DBNL: variants seen among roughly 807,000 people sequenced by gnomAD.
DBNL encodes drebrin-like protein.
Under a neutral mutation model 62.2 loss-of-function variants are expected in DBNL, and 35 were observed. The ratio of observed to expected loss-of-function variants is 0.56; its 90% CI spans 0.43 to 0.75. The LOEUF (loss-of-function observed/expected upper bound fraction) is 0.75. Among genes scored for constraint, DBNL ranks in the 30% least tolerant of loss-of-function variants. The pLI, the probability that DBNL is intolerant of heterozygous loss-of-function variation, is 0.00. For synonymous variants in DBNL, 197 were observed against 218.0 expected, an observed-to-expected ratio of 0.90 and a Z score of 0.85; for missense variants, 495 against 578.4, an observed-to-expected ratio of 0.86 and a Z score of 1.48.
rs1358617040 is a variant in DBNL, at chr7:44,063,263, G to GT, written c.*2359dup. On this transcript the variant is annotated 3_prime_UTR_variant, in exon 13 of 13. Coordinates refer to ENST00000448521, the MANE Select transcript of DBNL (RefSeq NM_001014436.3). The stretch of plus-strand genomic sequence containing the variant: ...GGTCAGGAAGGGACACTCACCCTTT[G>GT]TTTTTTTTTTTTCTTTTCTTTTTCT... The GT allele has an allele frequency of 2.7e-4, 92 of 344,132 alleles. No individual in the cohort carries two copies. The East Asian group carries it at 4.6e-3, about 17-fold the overall frequency. The allele number at this position is 344,132 out of a possible 1,614,324, so 21.3% of individuals were successfully genotyped here.
chr7:44,053,721 G>A lies in DBNL; in HGVS notation c.327+780G>A, dbSNP rs9692597. Reference sequence around the variant, plus strand: ...AGACTGAGTCTCGCTCCGTTGCCCAGGCTGGAGTGCAGTGGCGTGATCTTG... The same window carrying A: ...AGACTGAGTCTCGCTCCGTTGCCCAAGCTGGAGTGCAGTGGCGTGATCTTG... On this transcript the variant is annotated intron_variant, in intron 4 of 12. Coordinates refer to ENST00000448521, the MANE Select transcript of DBNL (RefSeq NM_001014436.3). Among the ~76,000 whole-genome samples, 676 of 150,222 alleles carry A rather than the reference G, an allele frequency of 4.5e-3. 7 individuals are homozygous for A. The highest frequency in any genetic ancestry group is 0.016 in the African/African-American group (645 of 40,738).
At position 44,060,159 on chromosome 7, in the gene DBNL, G is replaced by T; in HGVS notation, c.1153+6G>T. 1.2e-6 allele frequency: 2 copies of T among 1,607,460 alleles called. No individual in the cohort carries two copies. Among genetic ancestry groups the T allele is most frequent in the South Asian group, 1.1e-5 (1 of 90,884 alleles). On this transcript the variant is annotated splice_donor_region_variant and intron_variant, in intron 12 of 12. Transcript: ENST00000448521. This position sits in a 1 kb window ranked among gnomAD's most constrained non-coding sequence, Gnocchi z 6.3. ...CCTGTACGACTACCAGGCAGGTAAGGTGCCCTGGCCTGGCTGGCACAGACC... is the reference window on the plus strand; with the variant it reads ...CCTGTACGACTACCAGGCAGGTAAGTTGCCCTGGCCTGGCTGGCACAGACC...
chr7:44,052,028 G>A, intron 3 of DBNL, 86 bp downstream of exon 3: 1 of 1,188,342 alleles, frequency 8.4e-7, no homozygotes, highest in Non-Finnish European at 1.2e-6. Flanking sequence ...GGAACAAAGT[G>A]TTTTACTGGC....
chr7:44,052,949 C>CA lies in DBNL; in HGVS notation c.327+9dup, dbSNP rs748035606. The CA allele has an allele frequency of 2.0e-5, 32 of 1,611,370 alleles. No homozygotes were observed. The highest frequency in any genetic ancestry group is 1.7e-4 in the African/African-American group (13 of 75,040). On this transcript the variant is annotated intron_variant, in intron 4 of 12. Coordinates refer to ENST00000448521, the MANE Select transcript of DBNL (RefSeq NM_001014436.3). ...ATGGCCAGCTTCCTGAAGGTAAGGC[C>CA]AGGTGAGGCCCGCTTCACTGGGAAC...
In DBNL at chr7:44,069,140, G is replaced by A. The variant is rs2096164659; in HGVS notation, c.*8224G>A. 6.6e-6 allele frequency: 1 copy of A among 152,206 alleles called. No homozygotes were observed. The highest frequency in any genetic ancestry group is 1.5e-5 in the Non-Finnish European group (1 of 68,034). The allele number at this position is 152,206 out of a possible 1,614,324, so 9.4% of individuals were successfully genotyped here. A position where few individuals can be genotyped will look rare whatever the true frequency, so the allele number is the denominator to read the frequency against. On this transcript the variant is annotated 3_prime_UTR_variant, in exon 13 of 13. Coordinates refer to ENST00000448521, the MANE Select transcript of DBNL (RefSeq NM_001014436.3). ...ACCAAAGAATCTGCTTTAAAAAAAT[G>A]TTAAACCAAGTTCTTCAGACAGAAG... is the stretch of plus-strand genomic sequence containing the variant.
At chr7:44,051,133 A>C (rs2096125866) in intron 2 of DBNL, 1 of 152,400 alleles carries the variant, frequency 6.6e-6, no homozygotes, top group Non-Finnish European at 1.5e-5. Context: ...TGCTGTCCCC[A>C]GAGTGGGGCT....
Position 44,044,753 on chromosome 7 carries a change from A to C in DBNL, c.16A>C (p.Ser6Arg). The C allele has an allele frequency of 6.6e-7, 1 of 1,508,092 alleles. No individual in the cohort carries two copies. The highest frequency in any genetic ancestry group is 8.9e-7 in the Non-Finnish European group (1 of 1,129,796). The allele number at this position is 1,508,092 out of a possible 1,614,324, so 93.4% of individuals were successfully genotyped here. MAANL[S>R]RNGPALQEAY... ...GGGGCGGGCCATGGCGGCGAACCTG[A>C]GCCGGAACGGGCCAGCGCTGCAAGA... The change falls in exon 1 of 13, where the codon AGC (serine) becomes CGC (arginine). Residue 6 changes from serine to arginine, a missense_variant. By Grantham distance (110) the Ser-to-Arg change is moderately radical. Coordinates refer to ENST00000448521, the MANE Select transcript of DBNL (RefSeq NM_001014436.3).
Position 44,068,461 on chromosome 7 carries a change from A to C in DBNL, c.*7545A>C, listed in dbSNP as rs1435547377. Reference sequence around the variant, plus strand: ...GTGTAGATACAGGACTAATATGACTAGTAGTGCAAACACTTTAAACAGTCA... The same window carrying C: ...GTGTAGATACAGGACTAATATGACTCGTAGTGCAAACACTTTAAACAGTCA... On this transcript the variant is annotated 3_prime_UTR_variant, in exon 13 of 13. Transcript: ENST00000448521. The C allele has an allele frequency of 6.6e-6, 1 of 152,088 alleles. No homozygotes were observed. The highest frequency in any genetic ancestry group is 1.5e-5 in the Non-Finnish European group (1 of 67,994). 9.4% of individuals were successfully genotyped at this position (152,088 alleles called of 1,614,324 possible). A position where few individuals can be genotyped will look rare whatever the true frequency, so the allele number is the denominator to read the frequency against.
intron 8 of DBNL, 78 bp from the exon 9 acceptor site, chr7:44,058,824 C>T: frequency 2.6e-6 from 4 of 1,564,752 alleles, no homozygotes; most frequent in Middle Eastern, 1.7e-4. Flanking sequence ...ACTGGGCCGA[C>T]AGCTGGAGGG....
chr7:44,065,606 TC>T lies in DBNL; in HGVS notation c.*4693del. The T allele has an allele frequency of 7.0e-7, 1 of 1,432,172 alleles. No individual in the cohort carries two copies. Among genetic ancestry groups the T allele is most frequent in the Non-Finnish European group, 9.7e-7 (1 of 1,026,624 alleles). 88.7% of individuals were successfully genotyped at this position (1,432,172 alleles called of 1,614,324 possible). ...CACTCCCAGCTTTATAATAGTGTCT[TC>T]CCAGCCCCCACCCACCCCAGCCAAC... is the stretch of plus-strand genomic sequence containing the variant. On this transcript the variant is annotated 3_prime_UTR_variant, in exon 13 of 13. Coordinates refer to ENST00000448521, the MANE Select transcript of DBNL (RefSeq NM_001014436.3).
At chr7:44,051,967 G>C (rs373837478) in intron 3 of DBNL, 25 bp downstream of exon 3, 1 of 1,603,868 alleles carries the variant, frequency 6.2e-7, no homozygotes, top group Non-Finnish European at 8.5e-7. Context: ...TTTCATCTAG[G>C]TGTGACCCAG....
rs375363699 is a variant in DBNL, at chr7:44,059,401, A to G, written c.883A>G (p.Thr295Ala). The change falls in exon 10 of 13, where the codon ACC becomes GCC. Residue 295 changes from threonine to alanine, a missense_variant. Thr to Ala is a moderately conservative substitution (Grantham distance 58, BLOSUM62 0). Coordinates refer to ENST00000448521, the MANE Select transcript of DBNL (RefSeq NM_001014436.3). The surrounding 1 kb of genome is among the most constrained non-coding windows in gnomAD (Gnocchi z 4.1). ...GCAGAAGCAGCTCACCCAACCAGAG[A>G]CCCACTTTGGCAGAGAGCCAGCTGC... ...FLQKQLTQPE[T>A]HFGREPAAAI... The G allele has an allele frequency of 9.3e-6, 15 of 1,613,878 alleles. No homozygotes were observed. The African/African-American group carries it at 1.9e-4, about 20-fold the overall frequency.
chr7:44,059,560 C>T lies in DBNL; in HGVS notation c.949C>T (p.Pro317Ser), dbSNP rs2096144184. Reference protein sequence around the residue: ...RPRADLPAEEPAPSTPPCLVQ... With the variant: ...RPRADLPAEESAPSTPPCLVQ... ...TGGTGCAGATCTCCCTGCTGAGGAGCCGGCGCCCAGCACTCCTCCATGTCT... is the reference window on the plus strand; with the variant it reads ...TGGTGCAGATCTCCCTGCTGAGGAGTCGGCGCCCAGCACTCCTCCATGTCT... Residue 317 changes from proline (P) to serine (S), a missense_variant, in exon 11 of 13, where the codon CCG becomes TCG. Physicochemically the swap from Pro to Ser is moderately conservative, Grantham distance 74. Coordinates refer to ENST00000448521, the MANE Select transcript of DBNL (RefSeq NM_001014436.3). This position sits in a 1 kb window ranked among gnomAD's most constrained non-coding sequence, Gnocchi z 4.1. 1 of 1,612,554 alleles carries T rather than the reference C, an allele frequency of 6.2e-7. No homozygotes were observed.
rs370359405 is a variant in DBNL at position 44,065,029 on chromosome 7, C to T, written c.*4113C>T. On this transcript the variant is annotated 3_prime_UTR_variant, in exon 13 of 13. Transcript: ENST00000448521. ...CCGACGCTCCTGGGGGACACAGGCA[C>T]GCTGCTTTCCCTCCCAAGCCAGTGG... is the stretch of plus-strand genomic sequence containing the variant. The T allele has an allele frequency of 1.0e-4, 160 of 1,606,768 alleles. No homozygotes were observed. Among genetic ancestry groups the T allele is most frequent in the Middle Eastern group, 9.9e-4 (6 of 6,058 alleles).
At position 44,065,997 on chromosome 7, in the gene DBNL, G is replaced by A. The variant is rs564291245; in HGVS notation, c.*5081G>A. 3.2e-5 allele frequency: 9 copies of A among 277,216 alleles called. No homozygotes were observed. The highest frequency in any genetic ancestry group is 2.7e-4 in the South Asian group (7 of 26,216). The allele number at this position is 277,216 out of a possible 1,614,324, so 17.2% of individuals were successfully genotyped here. A position where few individuals can be genotyped will look rare whatever the true frequency, so the allele number is the denominator to read the frequency against. On this transcript the variant is annotated 3_prime_UTR_variant, in exon 13 of 13. Transcript: ENST00000448521. ...TGATTGGCAGCCAGGCTAGGAGGCG[G>A]CCCTCAGCAGGCAGAGGAGGAGAGC...
At chr7:44,058,695 TG>T in intron 8 of DBNL, 1 of 814,996 alleles carries the variant, frequency 1.2e-6, no homozygotes, top group Non-Finnish European at 1.9e-6. Context: ...GGGGAGGCCC[TG>T]GGAGCCCCTT....
chr7:44,058,275 C>A lies in DBNL; in HGVS notation c.699C>A (p.Pro233=). 1 of 1,575,682 alleles carries A rather than the reference C, an allele frequency of 6.3e-7. No individual in the cohort carries two copies. Among genetic ancestry groups the A allele is most frequent in the Non-Finnish European group, 8.6e-7 (1 of 1,160,854 alleles). The change falls in exon 7 of 13, where the codon CCC becomes CCA. Residue 233 remains proline, a synonymous_variant. Transcript: ENST00000448521. ...AGGAGCAGGGTGGCGAGGCCAGCCC[C>A]CAGAGGTGAGCCAGAGGTGGAGGCT... ...RYQEQGGEAS[P]QRTWEQQQEV... is the part of the protein sequence containing the mutation.
intron 4 of DBNL, among the ~76,000 whole-genome samples, chr7:44,055,529 C>T (rs1372641191): frequency 1.3e-5 from 2 of 152,192 alleles, no homozygotes; most frequent in African/African-American, 2.4e-5. Context: ...TTCCTACCAA[C>T]AGTGTATAAG....
chr7:44,050,091 A>T, intron 1 of DBNL, 134 bp from the exon 2 acceptor site: 1 of 942,694 alleles, frequency 1.1e-6, no homozygotes, highest in Non-Finnish European at 1.7e-6. Context: ...CAAAGTGAGA[A>T]CGGGCCTGTG....
Sources: gnomAD v4.1 joint callset for allele counts (sites outside exome capture counted in the v4.1 genomes callset) on GRCh38, gnomAD v4.1.1 for gene constraint, Gnocchi (gnomAD v3.1) non-coding constraint, MANE v1.5 for transcripts, NCBI Gene and HGNC (gene_info 2026-07-23, HGNC 2026-07-21) for gene names.